Variants in PDE1A observed in about 807,000 individuals in gnomAD.
The protein encoded by PDE1A is phosphodiesterase 1A, also known as dual specificity calcium/calmodulin-dependent 3',5'-cyclic nucleotide phosphodiesterase 1A.
In PDE1A, 35 loss-of-function variants were observed where a neutral mutation model predicts 61.7. That is an observed-to-expected ratio of 0.57 (90% CI 0.43 to 0.75). PDE1A has a LOEUF of 0.75. Ranked by LOEUF, PDE1A falls within the 30% of genes least tolerant of loss-of-function variation. The probability of loss-of-function intolerance (pLI) is 0.00; values close to 1 mark genes in which losing one functional copy is unlikely to be tolerated. For synonymous variants in PDE1A, 232 were observed against 213.2 expected (o/e 1.09, Z -0.77); for missense variants, 597 against 630.6 (o/e 0.95, Z 0.57).
In PDE1A at chr2:182,240,296, C is replaced by G. The variant is rs777018445; in HGVS notation, c.168-4G>C. 366 of 1,520,776 alleles carry G rather than the reference C, an allele frequency of 2.4e-4. No individual in the cohort carries two copies. Among genetic ancestry groups the G allele is most frequent in the Non-Finnish European group, 3.1e-4 (353 of 1,136,150 alleles). 94.2% of individuals were successfully genotyped at this position (1,520,776 alleles called of 1,614,324 possible). Reference sequence around the variant, plus strand: ...ATCTTCAGTATCCAGAAGTCTTCTACAAAAATTTATACAGATTAAACTTTT... The same window carrying G: ...ATCTTCAGTATCCAGAAGTCTTCTAGAAAAATTTATACAGATTAAACTTTT... On this transcript the variant is annotated splice_polypyrimidine_tract_variant and splice_region_variant and intron_variant, in intron 2 of 13. Coordinates refer to ENST00000351439, the Ensembl canonical transcript of PDE1A.
rs538720907 is a variant in PDE1A at position 182,447,710 on chromosome 2, G to C, written c.101+74566C>G. Among the ~76,000 whole-genome samples the C allele has an allele frequency of 5.9e-5, 9 of 152,152 alleles. No individual in the cohort carries two copies. The East Asian group carries it at 1.7e-3, about 29-fold the overall frequency. ...ATCTATCTATACTTTCCTATGGCAT[G>C]GCTCACTTTCTACTATGTATTATAG... On this transcript the variant is annotated intron_variant, in intron 2 of 14. Transcript: ENST00000410103.
chr2:182,549,613 C>A, the PDE1A span, among the ~76,000 whole-genome samples: 1 of 152,064 alleles, frequency 6.6e-6, no homozygotes, highest in African/African-American at 2.4e-5. Context: ...TGTTACAAAT[C>A]ATTCACTATA....
At chr2:182,389,075 CT>C (rs1701276775) in intron 1 of PDE1A, among the ~76,000 whole-genome samples, 1 of 152,034 alleles carries the variant, frequency 6.6e-6, no homozygotes, top group African/African-American at 2.4e-5. Context: ...AAATTATAAA[CT>C]TTAGTTCTCA....
chr2:182,223,748 A>T, intron 7 of PDE1A, 116 bp downstream of exon 7: 1 of 585,236 alleles, frequency 1.7e-6, no homozygotes, highest in Non-Finnish European at 2.9e-6. Flanking sequence ...GCTAAAAATT[A>T]ATTAAACCTG....
At chr2:182,476,053 G>C (rs763110335) in intron 2 of PDE1A, among the ~76,000 whole-genome samples, 4 of 151,692 alleles carry the variant, frequency 2.6e-5, no homozygotes, top group Non-Finnish European at 5.9e-5. Flanking sequence ...TTATACATGA[G>C]CACAAAAAGA....
chr2:182,421,665 T>C (rs1301395153), intron 1 of PDE1A, among the ~76,000 whole-genome samples: 1 of 152,238 alleles, frequency 6.6e-6, no homozygotes, highest in Admixed American at 6.5e-5. Flanking sequence ...AGTTTATCTA[T>C]TAGTGATGAC....
chr2:182,248,233 G>A (rs6433964), intron 2 of PDE1A, among the ~76,000 whole-genome samples: 6,524 of 147,320 alleles, frequency 0.044, 449 homozygotes, highest in African/African-American at 0.16. Flanking sequence ...TCCAGCCTGG[G>A]CCACAAGAGC....
chr2:182,426,876 C>T lies in PDE1A; in HGVS notation c.-246G>A, dbSNP rs1703656760. ...CACAGAGCAGGGTGTGCAAAAACCA[C>T]CAAGAGTCACGTTGATCCAGGCAAG... is the stretch of plus-strand genomic sequence containing the variant. On this transcript the variant is annotated 5_prime_UTR_variant, in exon 1 of 14. The change creates a new upstream start codon in the 5' untranslated region. Coordinates refer to ENST00000351439, the Ensembl canonical transcript of PDE1A. 1 of 1,288,968 alleles carries T rather than the reference C, an allele frequency of 7.8e-7. No individual in the cohort carries two copies. Among genetic ancestry groups the T allele is most frequent in the African/African-American group, 1.5e-5 (1 of 66,304 alleles). 79.8% of individuals were successfully genotyped at this position (1,288,968 alleles called of 1,614,324 possible). A position where few individuals can be genotyped will look rare whatever the true frequency, so the allele number is the denominator to read the frequency against.
chr2:182,707,465 T>G, the PDE1A span, among the ~76,000 whole-genome samples: 1 of 152,140 alleles, frequency 6.6e-6, no homozygotes, highest in African/African-American at 2.4e-5. Context: ...TTACTACAGA[T>G]TCCCCAGATG....
the PDE1A span, among the ~76,000 whole-genome samples, chr2:182,534,750 T>C: frequency 6.6e-6 from 1 of 151,894 alleles, no homozygotes; most frequent in Admixed American, 6.6e-5. Flanking sequence ...TGTAATTCAA[T>C]TTTTATTGAA....
chr2:182,367,439 T>A (rs181453248), intron 1 of PDE1A, among the ~76,000 whole-genome samples: 1 of 151,978 alleles, frequency 6.6e-6, no homozygotes, highest in Non-Finnish European at 1.5e-5. Flanking sequence ...CAAACCAGCA[T>A]TAAAAACTTA....
At chr2:182,177,430 A>G (rs6733935) in intron 13 of PDE1A, among the ~76,000 whole-genome samples, 112,936 of 151,438 alleles carry the variant, frequency 0.75, 42,351 homozygotes, top group East Asian at 0.91. Flanking sequence ...TGTATGTGTC[A>G]AGGAATTTAT....
chr2:182,541,757 T>C, the PDE1A span, among the ~76,000 whole-genome samples: 3 of 152,314 alleles, frequency 2.0e-5, no homozygotes, highest in East Asian at 5.8e-4. Context: ...GATAATAGAG[T>C]ATTAATGCTC....
chr2:182,684,636 C>T, the PDE1A span, among the ~76,000 whole-genome samples: 1,506 of 152,232 alleles, frequency 9.9e-3, 40 homozygotes, highest in East Asian at 0.095. Context: ...CTGCAACCTC[C>T]GTGTCCTGGA....
chr2:182,619,947 GT>G, the PDE1A span, among the ~76,000 whole-genome samples: 11 of 151,468 alleles, frequency 7.3e-5, no homozygotes, highest in Middle Eastern at 3.4e-3. Flanking sequence ...ACTTCCAGAA[GT>G]TTTTTTTTAA....
chr2:182,560,220 C>G, the PDE1A span, among the ~76,000 whole-genome samples: 60 of 114,422 alleles, frequency 5.2e-4, 2 homozygotes, highest in Middle Eastern at 0.019. Context: ...CCCCTCCCCC[C>G]ACCCCACAAC....
intron 2 of PDE1A, among the ~76,000 whole-genome samples, chr2:182,441,926 T>C (rs1483994980): frequency 6.6e-6 from 1 of 151,918 alleles, no homozygotes; most frequent in African/African-American, 2.4e-5. Flanking sequence ...AATGAATGAA[T>C]ACATTAGGAA....
At chr2:182,651,440 CT>C in the PDE1A span, among the ~76,000 whole-genome samples, 4 of 152,182 alleles carry the variant, frequency 2.6e-5, no homozygotes, top group African/African-American at 9.7e-5. Context: ...TTAGTATGAT[CT>C]TTTTCCTCCC....
chr2:182,341,600 TC>T (rs1311161409), intron 1 of PDE1A, among the ~76,000 whole-genome samples: 5 of 152,186 alleles, frequency 3.3e-5, no homozygotes, highest in Non-Finnish European at 7.3e-5. Flanking sequence ...TTTTATCTTA[TC>T]CATCACCCCC....
Sources: gnomAD v4.1 joint callset for allele counts (sites outside exome capture counted in the v4.1 genomes callset) on GRCh38, gnomAD v4.1.1 for gene constraint, MANE v1.5 for transcripts, NCBI Gene and HGNC (gene_info 2026-07-23, HGNC 2026-07-21) for gene names.